Variants in IL1RAPL1 observed in about 807,000 individuals in gnomAD.
The protein encoded by IL1RAPL1 is interleukin-1 receptor accessory protein-like 1.
Under a neutral mutation model 48.4 loss-of-function variants are expected in IL1RAPL1, and 3 were observed. The observed-to-expected ratio is 0.06, with a 90% CI of 0.03 to 0.16. The LOEUF (loss-of-function observed/expected upper bound fraction) is 0.16, where lower values mean the gene tolerates loss of function less well. Among genes scored for constraint, IL1RAPL1 ranks in the 10% least tolerant of loss-of-function variants. The pLI is 1.00. For missense variants in IL1RAPL1, 349 were observed against 530.6 expected, an observed-to-expected ratio of 0.66 and a Z score of 3.36; for synonymous variants, 185 against 187.7, an observed-to-expected ratio of 0.99 and a Z score of 0.12.
chrX:28,771,766 A>C (rs7888309), intron 1 of IL1RAPL1, among the ~76,000 whole-genome samples: 48,134 of 108,806 alleles, frequency 0.44, 8,003 homozygotes, highest in Middle Eastern at 0.63. Context: ...ATGTAGGCCA[A>C]TGGATAATAC....
At chrX:29,224,717 A>G in intron 2 of IL1RAPL1, among the ~76,000 whole-genome samples, 1 of 112,016 alleles carries the variant, frequency 8.9e-6, no homozygotes, top group Non-Finnish European at 1.9e-5. Context: ...TTTTGGGCTT[A>G]GTCATAGAAC....
chrX:29,547,881 A>G (rs968482982), intron 5 of IL1RAPL1, among the ~76,000 whole-genome samples: 121 of 112,620 alleles, frequency 1.1e-3, no homozygotes, highest in African/African-American at 3.7e-3. Context: ...TTGTCCTTAA[A>G]CATAAGAGAA....
At chrX:28,820,661 T>G (rs1303204143) in intron 2 of IL1RAPL1, among the ~76,000 whole-genome samples, 3 of 111,352 alleles carry the variant, frequency 2.7e-5, no homozygotes, top group Non-Finnish European at 5.7e-5. Context: ...ATGGAAAAAC[T>G]GAAAACAGAG....
At chrX:29,844,312 A>C (rs1259122664) in intron 6 of IL1RAPL1, among the ~76,000 whole-genome samples, 1 of 112,105 alleles carries the variant, frequency 8.9e-6, no homozygotes, top group African/African-American at 3.2e-5. Flanking sequence ...GGTCTATAAC[A>C]AAAAATAAGG....
intron 6 of IL1RAPL1, among the ~76,000 whole-genome samples, chrX:29,802,777 ATATATGTGTGTG>A (rs1325133744): frequency 0.021 from 521 of 24,340 alleles, 6 homozygotes; most frequent in South Asian, 0.049. Flanking sequence ...ATATATATAT[ATATATGTGTGTG>A]TGTATATATA....
At chrX:29,370,407 C>A (rs909807022) in intron 3 of IL1RAPL1, among the ~76,000 whole-genome samples, 1 of 110,506 alleles carries the variant, frequency 9.0e-6, no homozygotes, top group East Asian at 2.8e-4. Context: ...CACTTTTCCA[C>A]AAGCCTTGCG....
At chrX:29,211,920 A>G (rs1231064881) in intron 2 of IL1RAPL1, among the ~76,000 whole-genome samples, 2 of 110,886 alleles carry the variant, frequency 1.8e-5, no homozygotes, top group Non-Finnish European at 3.8e-5. Context: ...TTACAGTCTT[A>G]TAGTCTCAGA....
At chrX:29,140,868 C>T (rs778043891) in intron 2 of IL1RAPL1, among the ~76,000 whole-genome samples, 61 of 111,128 alleles carry the variant, frequency 5.5e-4, no homozygotes, top group Non-Finnish European at 7.5e-4. Flanking sequence ...GACCTAATTA[C>T]CTGCTAAACA....
At chrX:29,821,984 A>G (rs919321981) in intron 6 of IL1RAPL1, among the ~76,000 whole-genome samples, 3 of 112,167 alleles carry the variant, frequency 2.7e-5, no homozygotes, top group African/African-American at 9.7e-5. Flanking sequence ...ACATTTAAGT[A>G]TCAAAATGAA....
At chrX:29,804,013 A>G (rs1569174686) in intron 6 of IL1RAPL1, among the ~76,000 whole-genome samples, 1 of 111,825 alleles carries the variant, frequency 8.9e-6, no homozygotes, top group Non-Finnish European at 1.9e-5. Context: ...GAATTGATTT[A>G]TATAAATCTT....
chrX:29,183,787 G>T (rs1930194092), intron 2 of IL1RAPL1, among the ~76,000 whole-genome samples: 1 of 112,183 alleles, frequency 8.9e-6, no homozygotes, highest in Non-Finnish European at 1.9e-5. Flanking sequence ...TCTGCCTCCC[G>T]GGTTCAAGCG....
At chrX:28,971,829 C>T (rs1052564787) in intron 2 of IL1RAPL1, among the ~76,000 whole-genome samples, 1 of 108,178 alleles carries the variant, frequency 9.2e-6, no homozygotes, top group African/African-American at 3.4e-5. Context: ...AGGTCATACA[C>T]GGGGCTGCCA....
chrX:29,828,886 A>G (rs1432689873), intron 6 of IL1RAPL1, among the ~76,000 whole-genome samples: 1 of 109,327 alleles, frequency 9.1e-6, no homozygotes, highest in East Asian at 2.9e-4. Flanking sequence ...GAGAGATTAG[A>G]GTCCTGCCGG....
chrX:29,753,451 A>G (rs1338972713), intron 6 of IL1RAPL1, among the ~76,000 whole-genome samples: 1 of 112,079 alleles, frequency 8.9e-6, no homozygotes, highest in Non-Finnish European at 1.9e-5. Context: ...TACTAAAATT[A>G]ACTTTTGTGG....
chrX:29,710,813 A>C (rs1927321956), intron 6 of IL1RAPL1, among the ~76,000 whole-genome samples: 1 of 107,627 alleles, frequency 9.3e-6, no homozygotes, highest in East Asian at 2.9e-4. Flanking sequence ...GTTTTATAAA[A>C]GAAATTTATG....
intron 2 of IL1RAPL1, among the ~76,000 whole-genome samples, chrX:29,174,080 A>G (rs1929960386): frequency 9.1e-6 from 1 of 109,802 alleles, no homozygotes; most frequent in Admixed American, 9.7e-5. Flanking sequence ...GCCAGCCACC[A>G]TGCCCTGCGA....
chrX:29,943,404 G>A (rs945597001), intron 9 of IL1RAPL1, among the ~76,000 whole-genome samples: 3 of 111,704 alleles, frequency 2.7e-5, no homozygotes, highest in Non-Finnish European at 5.6e-5. Context: ...TACTGATAAG[G>A]CAACTGAGAC....
intron 5 of IL1RAPL1, among the ~76,000 whole-genome samples, chrX:29,458,150 T>A (rs1295835628): frequency 1.8e-5 from 2 of 112,316 alleles, no homozygotes; most frequent in Non-Finnish European, 3.8e-5. Context: ...ATTAGGAATC[T>A]TAAGTTCCTT....
chrX:29,889,514 TAAATA>T (rs1445373534), intron 6 of IL1RAPL1, among the ~76,000 whole-genome samples: 3 of 111,797 alleles, frequency 2.7e-5, no homozygotes, highest in Non-Finnish European at 5.6e-5. Flanking sequence ...ATGGATTGAT[TAAATA>T]AATATAATCC....
Sources: gnomAD v4.1 joint callset for allele counts (sites outside exome capture counted in the v4.1 genomes callset) on GRCh38, gnomAD v4.1.1 for gene constraint, MANE v1.5 for transcripts, NCBI Gene and HGNC (gene_info 2026-07-23, HGNC 2026-07-21) for gene names.